Variants in MYBBP1A observed in about 807,000 individuals in gnomAD.
The protein encoded by MYBBP1A is myb-binding protein 1A.
A neutral mutation model predicts 136.3 loss-of-function variants in MYBBP1A; 147 were observed. That is an observed-to-expected ratio of 1.08 (90% confidence interval 0.94 to 1.24). MYBBP1A has a LOEUF of 1.24. MYBBP1A is among the 50% of genes most tolerant of loss of function. The probability of loss-of-function intolerance (pLI) is 0.00; values close to 1 mark genes in which losing one functional copy is unlikely to be tolerated. For synonymous variants in MYBBP1A, 947 were observed against 735.8 expected, an observed-to-expected ratio of 1.29 and a Z score of -4.65; for missense variants, 2,060 against 1,727.4, an observed-to-expected ratio of 1.19 and a Z score of -3.41.
Position 4,552,139 on chromosome 17 carries a change from C to T in MYBBP1A, c.891G>A (p.Gln297=). The T allele has an allele frequency of 6.2e-7, 1 of 1,614,058 alleles. No individual in the cohort carries two copies. The highest frequency in any genetic ancestry group is 8.5e-7 in the Non-Finnish European group (1 of 1,179,932). Residue 297 remains glutamine (Q), a synonymous_variant, in exon 7 of 26, where the codon CAG becomes CAA. Transcript: ENST00000254718. This position sits in a 1 kb window ranked among gnomAD's most constrained non-coding sequence, Gnocchi z 4.7. ...EVVEQGLLKM[Q]FWPASYLCFR... is the part of the protein sequence containing the mutation. Reference sequence around the variant, plus strand: ...GTCGCCCGCACCTGGCTGGCCAGAACTGCATCTTCAGCAGCCCTTGTTCCA... The same window carrying T: ...GTCGCCCGCACCTGGCTGGCCAGAATTGCATCTTCAGCAGCCCTTGTTCCA...
At chr17:4,554,790 C>A in intron 2 of MYBBP1A, 71 bp downstream of exon 2, 3 of 1,466,648 alleles carry the variant, frequency 2.0e-6, no homozygotes, top group African/African-American at 1.4e-5. Context: ...GCTGAGACAC[C>A]ACACCCGCCC....
In MYBBP1A at chr17:4,539,204, G is replaced by T; in HGVS notation, c.*211C>A. ...AGGGTCCCAGCCCAGAACCGGGGGT[G>T]GGGAGGTCTCTGCACCCTGGGACCC... On this transcript the variant is annotated 3_prime_UTR_variant, in exon 26 of 26. Coordinates refer to ENST00000254718, the MANE Select transcript of MYBBP1A (RefSeq NM_014520.4). 1 of 1,454,158 alleles carries T rather than the reference G, an allele frequency of 6.9e-7. No individual in the cohort carries two copies. The highest frequency in any genetic ancestry group is 9.0e-7 in the Non-Finnish European group (1 of 1,113,188). 90.1% of individuals were successfully genotyped at this position (1,454,158 alleles called of 1,614,324 possible). A position where few individuals can be genotyped will look rare whatever the true frequency, so the allele number is the denominator to read the frequency against.
rs760027803 is a variant in MYBBP1A at position 4,541,896 on chromosome 17, G to A, written c.3088-5C>T. 1.2e-6 allele frequency: 2 copies of A among 1,611,974 alleles called. No individual in the cohort carries two copies. The highest frequency in any genetic ancestry group is 2.2e-5 in the South Asian group (2 of 91,004). ...CTTCTGGAGCAGCAGGCAGGCCTGT[G>A]GGTGGGCAAAGGTGGGTGGCAGGAG... On this transcript the variant is annotated splice_polypyrimidine_tract_variant and splice_region_variant and intron_variant, in intron 22 of 25. Transcript: ENST00000254718.
Position 4,539,411 on chromosome 17 carries a change from G to C in MYBBP1A, c.*4C>G, listed in dbSNP as rs375860469. On this transcript the variant is annotated 3_prime_UTR_variant, in exon 26 of 26. Transcript: ENST00000254718. ...CAGGGGCTGAGGGGGGCCCGTACCT[G>C]TGCTCAGGGCTTCCCTGCCTTCCTC... The C allele has an allele frequency of 1.2e-6, 2 of 1,604,846 alleles. No homozygotes were observed. The highest frequency in any genetic ancestry group is 1.3e-5 in the African/African-American group (1 of 74,530).
At position 4,548,554 on chromosome 17, in the gene MYBBP1A, G is replaced by A; in HGVS notation, c.1526C>T (p.Ala509Val). 1 of 1,614,224 alleles carries A rather than the reference G, an allele frequency of 6.2e-7. No individual in the cohort carries two copies. The highest frequency in any genetic ancestry group is 8.5e-7 in the Non-Finnish European group (1 of 1,180,050). The change falls in exon 11 of 26, where the codon GCC becomes GTC. Residue 509 changes from alanine (A) to valine (V), a missense_variant. Coordinates refer to ENST00000254718, the MANE Select transcript of MYBBP1A (RefSeq NM_014520.4). This position sits in a 1 kb window ranked among gnomAD's most constrained non-coding sequence, Gnocchi z 4.2. ...GAAGGCACTGCTGACAGCCTCTCGG[G>A]CCTGGTTTTCCAAAGGGAAGGAGAA... ...HPFSFPLENQ[A>V]REAVSSAFFS...
At position 4,540,498 on chromosome 17, in the gene MYBBP1A, G is replaced by A; in HGVS notation, c.3298-14C>T. On this transcript the variant is annotated splice_polypyrimidine_tract_variant and intron_variant, in intron 24 of 25. Coordinates refer to ENST00000254718, the MANE Select transcript of MYBBP1A (RefSeq NM_014520.4). ...CAAGGTCAGCTTCTGCAGAGGGTGG[G>A]AAGGCAGAGCTGTGGGGCCACAGAG... 6.2e-7 allele frequency: 1 copy of A among 1,601,330 alleles called. No individual in the cohort carries two copies. The highest frequency in any genetic ancestry group is 8.5e-7 in the Non-Finnish European group (1 of 1,175,566).
At position 4,539,408 on chromosome 17, in the gene MYBBP1A, C is replaced by T. The variant is rs1239502224; in HGVS notation, c.*7G>A. 1.9e-6 allele frequency: 3 copies of T among 1,602,672 alleles called. No individual in the cohort carries two copies. Among genetic ancestry groups the T allele is most frequent in the African/African-American group, 1.3e-5 (1 of 74,518 alleles). On this transcript the variant is annotated 3_prime_UTR_variant, in exon 26 of 26. Coordinates refer to ENST00000254718, the MANE Select transcript of MYBBP1A (RefSeq NM_014520.4). ...AGGCAGGGGCTGAGGGGGGCCCGTA[C>T]CTGTGCTCAGGGCTTCCCTGCCTTC...
Position 4,554,069 on chromosome 17 carries a change from C to T in MYBBP1A, c.403G>A (p.Ala135Thr). ...AGGGCGAGCACTCCAAACAGGTTTG[C>T]AAAGAGAGCAGGTCTCAGCATTGCC... Reference protein sequence around the residue: ...KKAMLRPALFANLFGVLALFQ... With the variant: ...KKAMLRPALFTNLFGVLALFQ... The change falls in exon 4 of 26, where the codon GCA becomes ACA. Residue 135 changes from alanine to threonine, a missense_variant. By Grantham distance (58) the Ala-to-Thr change is moderately conservative (BLOSUM62 0). Coordinates refer to ENST00000254718, the MANE Select transcript of MYBBP1A (RefSeq NM_014520.4). The T allele has an allele frequency of 1.9e-6, 3 of 1,614,008 alleles. No homozygotes were observed. The highest frequency in any genetic ancestry group is 2.5e-6 in the Non-Finnish European group (3 of 1,180,026).
chr17:4,549,377 C>A lies in MYBBP1A; in HGVS notation c.1385G>T (p.Ser462Ile). 6.2e-7 allele frequency: 1 copy of A among 1,613,192 alleles called. No homozygotes were observed. ...GGCCTCCTCCATCTCCAGGTGCAGGCTGTCCACAATGCTCACCAATCGAAA... is the reference window on the plus strand; with the variant it reads ...GGCCTCCTCCATCTCCAGGTGCAGGATGTCCACAATGCTCACCAATCGAAA... The part of the protein sequence containing the change: ...IIFRLVSIVD[S>I]LHLEMEEALT... The change falls in exon 10 of 26, where the codon AGC becomes ATC. Residue 462 changes from serine (S) to isoleucine (I), a missense_variant. Coordinates refer to ENST00000254718, the MANE Select transcript of MYBBP1A (RefSeq NM_014520.4).
rs1907196629 is a variant in MYBBP1A at position 4,548,427 on chromosome 17, G to A, written c.1556+97C>T. On this transcript the variant is annotated intron_variant, in intron 11 of 25. Transcript: ENST00000254718. The surrounding 1 kb of genome is among the most constrained non-coding windows in gnomAD (Gnocchi z 4.2). ...TCCAGGACCTACTAGAACTCCGGGGGCCTCTGCCGTTGTTCCCAGCTTAGG... is the reference window on the plus strand; with the variant it reads ...TCCAGGACCTACTAGAACTCCGGGGACCTCTGCCGTTGTTCCCAGCTTAGG... The A allele has an allele frequency of 1.0e-5, 16 of 1,605,764 alleles. No individual in the cohort carries two copies. The highest frequency in any genetic ancestry group is 1.2e-5 in the Non-Finnish European group (14 of 1,174,644).
At chr17:4,547,752 A>G (rs1202232261) in intron 13 of MYBBP1A, 1 of 493,342 alleles carries the variant, frequency 2.0e-6, no homozygotes, top group African/African-American at 2.0e-5. Context: ...GAGATCCTGC[A>G]TGGAAAGCCT....
chr17:4,553,261 G>A (rs1038136822), intron 5 of MYBBP1A, among the ~76,000 whole-genome samples: 3 of 152,240 alleles, frequency 2.0e-5, no homozygotes, highest in Non-Finnish European at 2.9e-5. Flanking sequence ...AGTAAGCCCT[G>A]GCCTGGAGAC....
intron 9 of MYBBP1A, among the ~76,000 whole-genome samples, 166 bp downstream of exon 9, chr17:4,549,892 G>A (rs1362840563): frequency 3.9e-5 from 6 of 152,160 alleles, no homozygotes; most frequent in African/African-American, 1.4e-4. Flanking sequence ...CCAGTGTGGG[G>A]ACACACAAGT....
chr17:4,551,513 A>G (rs559117021), intron 8 of MYBBP1A, among the ~76,000 whole-genome samples: 1 of 152,356 alleles, frequency 6.6e-6, no homozygotes, highest in Admixed American at 6.5e-5. Context: ...GTTCGAGACC[A>G]GCCTGGCCAA....
At position 4,544,473 on chromosome 17, in the gene MYBBP1A, G is replaced by A. The variant is rs985626840; in HGVS notation, c.2639+16C>T. 7 of 1,545,488 alleles carry A rather than the reference G, an allele frequency of 4.5e-6. No homozygotes were observed. The highest frequency in any genetic ancestry group is 3.6e-5 in the South Asian group (3 of 84,004). On this transcript the variant is annotated intron_variant, in intron 19 of 25. Transcript: ENST00000254718. ...GCTGCCGGCCACACCTGCCCGCCCT[G>A]CACCCCCGTGCTCACGTGAAGATGC...
At chr17:4,547,923 C>T (rs747644809) in intron 13 of MYBBP1A, 35 bp downstream of exon 13, 1 of 1,436,848 alleles carries the variant, frequency 7.0e-7, no homozygotes, top group African/African-American at 1.4e-5. Context: ...CATAGAACCC[C>T]AGGCTCACAG....
chr17:4,543,634 C>T (rs899406490), intron 19 of MYBBP1A, among the ~76,000 whole-genome samples: 6 of 152,256 alleles, frequency 3.9e-5, no homozygotes, highest in East Asian at 1.9e-4. Flanking sequence ...GTGGCCCGGG[C>T]GGGCCTGGGT....
Position 4,544,608 on chromosome 17 carries a change from G to A in MYBBP1A, c.2520C>T (p.Pro840=), listed in dbSNP as rs145189154. 1.9e-4 allele frequency: 308 copies of A among 1,587,914 alleles called. 1 individual carries two copies. The highest frequency in any genetic ancestry group is 9.7e-4 in the African/African-American group (72 of 74,474). ...DLVEVLVTKQ[P]ENALVLELLE... ...GCAGCTCCAGGACCAGGGCATTCTC[G>A]GGCTGCTTGGTCACTAGCACCTCCA... Residue 840 remains proline (P), a synonymous_variant, in exon 19 of 26, where the codon CCC becomes CCT. Transcript: ENST00000254718.
intron 19 of MYBBP1A, 22 bp downstream of exon 19, chr17:4,544,467 C>T (rs1404039767): frequency 1.1e-5 from 17 of 1,544,512 alleles, no homozygotes; most frequent in Admixed American, 2.0e-5. Context: ...CACACCTGCC[C>T]GCCCTGCACC....
Sources: allele counts gnomAD v4.1 joint callset (sites outside exome capture counted in the v4.1 genomes callset), GRCh38; gene constraint gnomAD v4.1.1; non-coding constraint Gnocchi (gnomAD v3.1); transcripts MANE v1.5; gene names NCBI Gene and HGNC (gene_info 2026-07-23, HGNC 2026-07-21).